TCTN1: variants seen among roughly 807,000 people sequenced by gnomAD.
TCTN1 encodes tectonic family member 1.
TCTN1 carries 58 observed loss-of-function variants against 65.8 expected under a neutral mutation model. The observed-to-expected ratio is 0.88, with a 90% CI of 0.71 to 1.10. TCTN1 has a LOEUF of 1.10. Ranked by LOEUF, TCTN1 falls within the 50% of genes least tolerant of loss-of-function variation. The pLI is 0.00. For synonymous variants in TCTN1, 273 were observed against 289.1 expected (o/e 0.94, Z 0.57); for missense variants, 645 against 719.4 (o/e 0.90, Z 1.18).
chr12:110,620,232 C>A (rs565872954), intron 2 of TCTN1, among the ~76,000 whole-genome samples: 1 of 152,006 alleles, frequency 6.6e-6, no homozygotes, highest in Non-Finnish European at 1.5e-5. Context: ...ACGGTGAAAC[C>A]CCGTCTCTAC....
At position 110,647,299 on chromosome 12, in the gene TCTN1, A is replaced by G. The variant is rs2067392109; in HGVS notation, c.1598A>G (p.Asn533Ser). The G allele has an allele frequency of 4.3e-6, 7 of 1,614,106 alleles. No homozygotes were observed. Among genetic ancestry groups the G allele is most frequent in the Non-Finnish European group, 5.9e-6 (7 of 1,180,054 alleles). The stretch of plus-strand genomic sequence containing the variant: ...CTGAATCCACAGGCCAAAATAGTCA[A>G]TGTAACTGCAAATCTAATTTCATCC... The part of the protein sequence containing the change: ...SLLNPQAKIV[N>S]VTANLISSSF... The change falls in exon 13 of 15, where the codon AAT becomes AGT. Residue 533 changes from asparagine (N) to serine (S), a missense_variant. By Grantham distance (46) the Asn-to-Ser change is conservative. Coordinates refer to ENST00000397659, the MANE Select transcript of TCTN1 (RefSeq NM_001082538.3).
intron 5 of TCTN1, among the ~76,000 whole-genome samples, chr12:110,633,473 TA>T (rs1565985160): frequency 6.6e-6 from 1 of 151,630 alleles, no homozygotes; most frequent in Non-Finnish European, 1.5e-5. Flanking sequence ...CCTGTCTTTA[TA>T]AAAAATACAA....
chr12:110,621,859 T>C lies in TCTN1; in HGVS notation c.341+1903T>C, dbSNP rs1453977105. ...CTCGTTAAGAATGAGTTGAATTGGC[T>C]GGGCATGGTGTCTCACGCCTGTAAT... On this transcript the variant is annotated intron_variant, in intron 2 of 14. Coordinates refer to ENST00000397659, the MANE Select transcript of TCTN1 (RefSeq NM_001082538.3). 4.6e-5 allele frequency among the ~76,000 whole-genome samples: 7 copies of C among 151,220 alleles called. No homozygotes were observed. In the Admixed American group the frequency reaches 4.6e-4, roughly 10 times the overall value.
rs150959163 is a variant in TCTN1 at position 110,618,302 on chromosome 12, G to T, written c.221-1534G>T. Among the ~76,000 whole-genome samples the T allele has an allele frequency of 8.6e-3, 1,301 of 151,602 alleles. 27 individuals are homozygous for T. Among genetic ancestry groups the T allele is most frequent in the African/African-American group, 0.03 (1,249 of 41,314 alleles). On this transcript the variant is annotated intron_variant, in intron 1 of 14. Coordinates refer to ENST00000397659, the MANE Select transcript of TCTN1 (RefSeq NM_001082538.3). ...GTCGCCCAGGCTGGAATGCAGTGAC[G>T]CGATCTCGGCTCACTGCAAACCCCG...
intron 3 of TCTN1, among the ~76,000 whole-genome samples, chr12:110,626,763 GT>G (rs1236209029): frequency 0.015 from 1,377 of 89,968 alleles, 5 homozygotes; most frequent in Non-Finnish European, 0.023. Context: ...TGTGTGCGTG[GT>G]TTTTTTTTTT....
chr12:110,645,378 G>A, intron 12 of TCTN1: 1 of 516,446 alleles, frequency 1.9e-6, no homozygotes, highest in Non-Finnish European at 3.5e-6. Flanking sequence ...ATGGCCTCAT[G>A]GGGCATTGAG....
rs1317962245 is a variant in TCTN1, at chr12:110,632,476, G to GGGTTCCTCTGCAGACTTCA, written c.631_649dup (p.Asp217GlyfsTer23). ...TGTTGGTTGTTGTGTTTGCAGTATG[G>GGGTTCCTCTGCAGACTTCA]GGTTCCTCTGCAGACTTCAGATTCG... On this transcript the variant is annotated frameshift_variant, in exon 5 of 15. Coordinates refer to ENST00000397659, the MANE Select transcript of TCTN1 (RefSeq NM_001082538.3). LOFTEE classifies it high-confidence loss of function. 5 of 1,613,746 alleles carry GGGTTCCTCTGCAGACTTCA rather than the reference G, an allele frequency of 3.1e-6. No homozygotes were observed. The highest frequency in any genetic ancestry group is 2.5e-6 in the Non-Finnish European group (3 of 1,179,856).
chr12:110,619,846 C>T lies in TCTN1; in HGVS notation c.231C>T (p.Leu77=). The T allele has an allele frequency of 6.2e-7, 1 of 1,614,122 alleles. No homozygotes were observed. The highest frequency in any genetic ancestry group is 1.3e-5 in the African/African-American group (1 of 75,022). ...CTCTTTTTTCTGCAGTTGCTGTTCT[C>T]TGTGTCTGTGACTTATCCCCAGCAC... is the stretch of plus-strand genomic sequence containing the variant. ...RPTPVTDVAV[L]CVCDLSPAQC... The change falls in exon 2 of 15, where the codon CTC becomes CTT. Residue 77 remains leucine, a synonymous_variant. Coordinates refer to ENST00000397659, the MANE Select transcript of TCTN1 (RefSeq NM_001082538.3).
chr12:110,644,540 T>C lies in TCTN1; in HGVS notation c.1332-427T>C, dbSNP rs372192457. Reference sequence around the variant, plus strand: ...AAAATACAAAAAAATTAGCCAGGCATGGTGGTGGGCACCTGTAGTCCCAGC... The same window carrying C: ...AAAATACAAAAAAATTAGCCAGGCACGGTGGTGGGCACCTGTAGTCCCAGC... On this transcript the variant is annotated intron_variant, in intron 11 of 14. Coordinates refer to ENST00000397659, the MANE Select transcript of TCTN1 (RefSeq NM_001082538.3). The surrounding 1 kb of genome is among the most constrained non-coding windows in gnomAD (Gnocchi z 4.6). 337 of 242,110 alleles carry C rather than the reference T, an allele frequency of 1.4e-3. 2 individuals are homozygous for C. The highest frequency in any genetic ancestry group is 7.4e-3 in the African/African-American group (319 of 42,894). 15.0% of individuals were successfully genotyped at this position (242,110 alleles called of 1,614,324 possible). A position where few individuals can be genotyped will look rare whatever the true frequency, so the allele number is the denominator to read the frequency against.
At chr12:110,632,611 T>C (rs781163162) in intron 5 of TCTN1, 52 bp downstream of exon 5, 2 of 1,597,070 alleles carry the variant, frequency 1.3e-6, no homozygotes, top group Non-Finnish European at 1.7e-6. Context: ...TATTATTAGG[T>C]TGGTGGAAAA....
intron 1 of TCTN1, among the ~76,000 whole-genome samples, chr12:110,617,174 G>T (rs1237786559): frequency 1.3e-5 from 2 of 152,154 alleles, no homozygotes; most frequent in African/African-American, 2.4e-5. Flanking sequence ...TGCATAAGTT[G>T]TGTCATTTTA....
chr12:110,639,284 G>A lies in TCTN1; in HGVS notation c.844-1099G>A, dbSNP rs1272394314. ...CGAGGAGGCTCAGCTACCTTTAGAGGATGGCTTGATGCCTTGTTACTCTGC... is the reference window on the plus strand; with the variant it reads ...CGAGGAGGCTCAGCTACCTTTAGAGAATGGCTTGATGCCTTGTTACTCTGC... On this transcript the variant is annotated intron_variant, in intron 7 of 14. Transcript: ENST00000397659. The surrounding 1 kb of genome is among the most constrained non-coding windows in gnomAD (Gnocchi z 4.9). Among the ~76,000 whole-genome samples, 1 of 152,226 alleles carries A rather than the reference G, an allele frequency of 6.6e-6. No homozygotes were observed. Among genetic ancestry groups the A allele is most frequent in the African/African-American group, 2.4e-5 (1 of 41,454 alleles).
Position 110,614,350 on chromosome 12 carries a change from TC to T in TCTN1, c.171del (p.Arg58GlyfsTer72). ...TFPSTRPPGTPRAPGPSSGPR... is the reference protein window; with the variant it reads ...TFPSTRPPGTXRAPGPSSGPR... ...TCCCGTCGACCAGGCCCCCCGGGAC[TC>T]CCAGGGCTCCAGGGCCCTCCTCCGG... On this transcript the variant is annotated frameshift_variant, in exon 1 of 15. Coordinates refer to ENST00000397659, the MANE Select transcript of TCTN1 (RefSeq NM_001082538.3). LOFTEE classifies it high-confidence loss of function. The T allele has an allele frequency of 3.1e-6, 5 of 1,606,878 alleles. No individual in the cohort carries two copies. Among genetic ancestry groups the T allele is most frequent in the Non-Finnish European group, 4.2e-6 (5 of 1,177,478 alleles).
At chr12:110,618,805 A>G (rs187527902) in intron 1 of TCTN1, among the ~76,000 whole-genome samples, 35 of 152,284 alleles carry the variant, frequency 2.3e-4, no homozygotes, top group Middle Eastern at 3.4e-3. Context: ...ATTTGACAGA[A>G]TAAGATAGAG....
Position 110,645,198 on chromosome 12 carries a change from C to T in TCTN1, c.1494+69C>T, listed in dbSNP as rs79699271. On this transcript the variant is annotated intron_variant, in intron 12 of 14. Coordinates refer to ENST00000397659, the MANE Select transcript of TCTN1 (RefSeq NM_001082538.3). The stretch of plus-strand genomic sequence containing the variant: ...TTCCAGGTGGTGTGATGAAGGCAGC[C>T]GGGGAAGCCAGCTGTTAAGGAGGCA... 14,319 of 1,592,774 alleles carry T rather than the reference C, an allele frequency of 9.0e-3. 73 individuals carry two copies. The highest frequency in any genetic ancestry group is 0.01 in the Non-Finnish European group (11,889 of 1,171,558).
chr12:110,640,383 G>C lies in TCTN1; in HGVS notation c.844G>C (p.Val282Leu), dbSNP rs1204580133. Residue 282 changes from valine to leucine, a missense_variant and splice_region_variant, in exon 8 of 15, where the codon GTC becomes CTC. Coordinates refer to ENST00000397659, the MANE Select transcript of TCTN1 (RefSeq NM_001082538.3). This position sits in a 1 kb window ranked among gnomAD's most constrained non-coding sequence, Gnocchi z 4.9. ...AACACTCCAGGTCTTCACTCTGCAG[G>C]TCCCTATCACTGTTCAGTCCATCGT... ...ILRVPDSRKKVPITVQSIVIQ... is the reference protein window; with the variant it reads ...ILRVPDSRKKLPITVQSIVIQ... 1 of 1,614,058 alleles carries C rather than the reference G, an allele frequency of 6.2e-7. No individual in the cohort carries two copies. Among genetic ancestry groups the C allele is most frequent in the East Asian group, 2.2e-5 (1 of 44,878 alleles).
chr12:110,645,079 A>G lies in TCTN1; in HGVS notation c.1444A>G (p.Met482Val). The G allele has an allele frequency of 3.1e-6, 5 of 1,614,118 alleles. No individual in the cohort carries two copies. The highest frequency in any genetic ancestry group is 4.2e-6 in the Non-Finnish European group (5 of 1,180,016). The stretch of plus-strand genomic sequence containing the variant: ...TTTTGGAAATTCCCAGGCCCAGGAC[A>G]TGCTGGACTGGGTGCCCATCCACTT... ...APFGNSQAQD[M>V]LDWVPIHFIT... Residue 482 changes from methionine (M) to valine (V), a missense_variant, in exon 12 of 15, where the codon ATG becomes GTG. Coordinates refer to ENST00000397659, the MANE Select transcript of TCTN1 (RefSeq NM_001082538.3).
Position 110,614,374 on chromosome 12 carries a change from C to T in TCTN1, c.192C>T (p.Ser64=). The T allele has an allele frequency of 6.2e-7, 1 of 1,604,176 alleles. No homozygotes were observed. The highest frequency in any genetic ancestry group is 8.5e-7 in the Non-Finnish European group (1 of 1,176,004). ...PGTPRAPGPS[S]GPRPTPVTDV... is the part of the protein sequence containing the mutation. ...CTCCCAGGGCTCCAGGGCCCTCCTC[C>T]GGCCCCAGGCCTACCCCAGTCACGG... Residue 64 remains serine (S), a synonymous_variant, in exon 1 of 15, where the codon TCC becomes TCT. Transcript: ENST00000397659.
chr12:110,640,505 T>A lies in TCTN1; in HGVS notation c.966T>A (p.Asn322Lys), dbSNP rs2066885210. ...VNAGHFSLCV[N>K]VVLEVKYSLT... ...CTGGACACTTTAGCCTTTGCGTGAA[T>A]GTTGTTCTTGAGGTAGGTGCCGAGT... Residue 322 changes from asparagine to lysine, a missense_variant, in exon 8 of 15, where the codon AAT becomes AAA. By Grantham distance (94) the Asn-to-Lys change is moderately conservative. Coordinates refer to ENST00000397659, the MANE Select transcript of TCTN1 (RefSeq NM_001082538.3). This position sits in a 1 kb window ranked among gnomAD's most constrained non-coding sequence, Gnocchi z 4.9. 1 of 1,614,074 alleles carries A rather than the reference T, an allele frequency of 6.2e-7. No homozygotes were observed. Among genetic ancestry groups the A allele is most frequent in the African/African-American group, 1.3e-5 (1 of 74,926 alleles).
Sources: gnomAD v4.1 joint callset for allele counts (sites outside exome capture counted in the v4.1 genomes callset) on GRCh38, gnomAD v4.1.1 for gene constraint, Gnocchi (gnomAD v3.1) non-coding constraint, MANE v1.5 for transcripts, NCBI Gene and HGNC (gene_info 2026-07-23, HGNC 2026-07-21) for gene names.